The following SYT7 variants were observed in gnomAD, a reference collection of about 807,000 sequenced individuals.
SYT7 encodes synaptotagmin-7.
Under a neutral mutation model 75.1 loss-of-function variants are expected in SYT7, and 29 were observed. The observed-to-expected ratio is 0.39, with a 90% CI of 0.29 to 0.53. SYT7 has a LOEUF of 0.53. Among genes scored for constraint, SYT7 ranks in the 20% least tolerant of loss-of-function variants. SYT7 has a pLI of 0.77. For missense variants in SYT7, 693 were observed against 953.2 expected (o/e 0.73, Z 3.59); for synonymous variants, 376 against 401.7 (o/e 0.94, Z 0.76).
At position 61,518,723 on chromosome 11, in the gene SYT7, C is replaced by T; in HGVS notation, c.1965G>A (p.Leu655=). 6.5e-7 allele frequency: 1 copy of T among 1,542,474 alleles called. No individual in the cohort carries two copies. The highest frequency in any genetic ancestry group is 8.8e-7 in the Non-Finnish European group (1 of 1,140,884). The change falls in exon 13 of 13, where the codon CTG becomes CTA. Residue 655 remains leucine (L), a synonymous_variant. Coordinates refer to ENST00000539008, the MANE Select transcript of SYT7 (RefSeq NM_001365809.2). ...CCTCCCCTGGCCCGCTCTTCCAGGA[C>T]AGGTAGATCTGGGGAGAAAGGGGAG... ...SRNDVIGKIY[L]SWKSGPGEVK...
At position 61,523,364 on chromosome 11, in the gene SYT7, AG is replaced by A; in HGVS notation, c.1757-91del. The A allele has an allele frequency of 7.6e-7, 1 of 1,309,998 alleles. No individual in the cohort carries two copies. Among genetic ancestry groups the A allele is most frequent in the Admixed American group, 1.7e-5 (1 of 57,966 alleles). 81.1% of individuals were successfully genotyped at this position (1,309,998 alleles called of 1,614,324 possible). On this transcript the variant is annotated intron_variant, in intron 11 of 12. Transcript: ENST00000539008. The surrounding 1 kb of genome is among the most constrained non-coding windows in gnomAD (Gnocchi z 5.0). ...CCCTTCCAGGAATGGAAGCTGAGGC[AG>A]GAGGGCCGTGTGCTTTCCCCAGAGG...
At chr11:61,552,215 G>A (rs190854606) in intron 2 of SYT7, among the ~76,000 whole-genome samples, 6 of 152,212 alleles carry the variant, frequency 3.9e-5, no homozygotes, top group African/African-American at 7.2e-5. Flanking sequence ...GCCTGCTGCC[G>A]GGAAGGTGAG....
intron 2 of SYT7, among the ~76,000 whole-genome samples, chr11:61,555,210 C>T (rs1410785227): frequency 6.6e-6 from 1 of 152,226 alleles, no homozygotes; most frequent in Non-Finnish European, 1.5e-5. Flanking sequence ...CCACCATTCT[C>T]GGCCCGGGGA....
At chr11:61,587,376 G>A in the SYT7 span, among the ~76,000 whole-genome samples, 8 of 152,264 alleles carry the variant, frequency 5.3e-5, no homozygotes, top group Non-Finnish European at 1.0e-4. Flanking sequence ...GCCCAGCTGA[G>A]GCTGCACAGA....
intron 9 of SYT7, among the ~76,000 whole-genome samples, chr11:61,525,299 A>G (rs2062479002): frequency 6.6e-6 from 1 of 152,144 alleles, no homozygotes; most frequent in Non-Finnish European, 1.5e-5. Flanking sequence ...CTCCCAGTGC[A>G]CTTAGAATAA....
Position 61,576,297 on chromosome 11 carries a change from C to T in SYT7, c.31+4493G>A, listed in dbSNP as rs1392274287. Among the ~76,000 whole-genome samples the T allele has an allele frequency of 6.6e-6, 1 of 152,248 alleles. No homozygotes were observed. Among genetic ancestry groups the T allele is most frequent in the East Asian group, 1.9e-4 (1 of 5,196 alleles). On this transcript the variant is annotated intron_variant, in intron 1 of 12. Transcript: ENST00000539008. This position sits in a 1 kb window ranked among gnomAD's most constrained non-coding sequence, Gnocchi z 4.1. ...GGAACTGGCAGAATTCACCTGGCAT[C>T]ACCAGCTGGGGTTCCCTGGCAAGGC...
chr11:61,538,344 A>AGG (rs1280141611), intron 6 of SYT7, 78 bp from the exon 7 acceptor site: 156 of 905,710 alleles, frequency 1.7e-4, no homozygotes, highest in Non-Finnish European at 2.0e-4. Flanking sequence ...AAGGAGAGAG[A>AGG]GGGAGAGAGA....
chr11:61,584,174 G>A (rs2135492472), upstream of SYT7, among the ~76,000 whole-genome samples: 1 of 152,250 alleles, frequency 6.6e-6, no homozygotes, highest in East Asian at 1.9e-4. Flanking sequence ...CAGTTCACAA[G>A]GCCAGGAGTT....
chr11:61,569,125 T>C (rs940073633), intron 1 of SYT7, among the ~76,000 whole-genome samples: 2 of 152,058 alleles, frequency 1.3e-5, no homozygotes, highest in Admixed American at 6.5e-5. Flanking sequence ...CCGGGGTCCA[T>C]TGGTTGGCTC....
chr11:61,540,412 A>T, intron 6 of SYT7: 1 of 730,780 alleles, frequency 1.4e-6, no homozygotes, highest in Non-Finnish European at 1.7e-6. Context: ...TTACATTTTT[A>T]GAGGGTTGTT....
intron 12 of SYT7, among the ~76,000 whole-genome samples, chr11:61,522,842 T>A (rs957910968): frequency 6.6e-6 from 1 of 152,176 alleles, no homozygotes; most frequent in African/African-American, 2.4e-5. Context: ...CAGCTGGCAG[T>A]CTGTCCTGAG....
Position 61,580,677 on chromosome 11 carries a change from G to T in SYT7, c.31+113C>A. ...GCTGGGATGACCCCTGGGGGAGCCC[G>T]TGCGGCTCCGGGCGGACAACAGCCC... On this transcript the variant is annotated intron_variant, in intron 1 of 12. Coordinates refer to ENST00000539008, the MANE Select transcript of SYT7 (RefSeq NM_001365809.2). This position sits in a 1 kb window ranked among gnomAD's most constrained non-coding sequence, Gnocchi z 6.1. 1 of 697,934 alleles carries T rather than the reference G, an allele frequency of 1.4e-6. No homozygotes were observed. The highest frequency in any genetic ancestry group is 1.9e-6 in the Non-Finnish European group (1 of 513,828). The allele number at this position is 697,934 out of a possible 1,614,324, so 43.2% of individuals were successfully genotyped here. A position where few individuals can be genotyped will look rare whatever the true frequency, so the allele number is the denominator to read the frequency against.
rs35039204 is a variant in SYT7 at position 61,531,457 on chromosome 11, TG to T, written c.1200+1531del. The stretch of plus-strand genomic sequence containing the variant: ...AGAAGACAGCTGGGGCCAGTCTTCC[TG>T]GGGGGGGGAAGATGGAAGGAGGGCA... On this transcript the variant is annotated intron_variant, in intron 8 of 12. Coordinates refer to ENST00000539008, the MANE Select transcript of SYT7 (RefSeq NM_001365809.2). Among the ~76,000 whole-genome samples the T allele has an allele frequency of 8.7e-3, 1,270 of 145,420 alleles. 16 individuals are homozygous for T. The highest frequency in any genetic ancestry group is 0.031 in the African/African-American group (1,207 of 39,374).
chr11:61,529,876 A>G (rs1442588575), intron 8 of SYT7, among the ~76,000 whole-genome samples: 1 of 152,152 alleles, frequency 6.6e-6, no homozygotes, highest in African/African-American at 2.4e-5. Context: ...CACAAGTGAT[A>G]TGCCCGCCTC....
chr11:61,554,449 G>GACAC (rs942736616), intron 2 of SYT7, among the ~76,000 whole-genome samples: 14 of 151,370 alleles, frequency 9.2e-5, no homozygotes, highest in Non-Finnish European at 1.8e-4. Flanking sequence ...CAGACAGACA[G>GACAC]ACACACACAC....
At position 61,555,784 on chromosome 11, in the gene SYT7, T is replaced by C. The variant is rs1248632115; in HGVS notation, c.135+320A>G. Among the ~76,000 whole-genome samples the C allele has an allele frequency of 3.3e-5, 5 of 152,162 alleles. No individual in the cohort carries two copies. The East Asian group carries it at 7.8e-4, about 24-fold the overall frequency. Reference sequence around the variant, plus strand: ...GCGGGAGGCAGGGCGTGTGTGTGTGTGTGCGCGTGTGTGTAGCTGCTCGCG... The same window carrying C: ...GCGGGAGGCAGGGCGTGTGTGTGTGCGTGCGCGTGTGTGTAGCTGCTCGCG... On this transcript the variant is annotated intron_variant, in intron 2 of 12. Coordinates refer to ENST00000539008, the MANE Select transcript of SYT7 (RefSeq NM_001365809.2).
chr11:61,551,471 G>A lies in SYT7; in HGVS notation c.136-8C>T. 2 of 1,613,540 alleles carry A rather than the reference G, an allele frequency of 1.2e-6. No homozygotes were observed. The highest frequency in any genetic ancestry group is 1.3e-5 in the African/African-American group (1 of 75,014). On this transcript the variant is annotated splice_region_variant and splice_polypyrimidine_tract_variant and intron_variant, in intron 2 of 12. Coordinates refer to ENST00000539008, the MANE Select transcript of SYT7 (RefSeq NM_001365809.2). The surrounding 1 kb of genome is among the most constrained non-coding windows in gnomAD (Gnocchi z 5.3). ...ATTCTTGTAGCGTTTGCCCTGTGGA[G>A]ATAGCACTAGGATCACTCCTGGGGA...
rs563689263 is a variant in SYT7 at position 61,544,334 on chromosome 11, AC to A, written c.572+1696del. ...GGAACCAAAAGACAACAGTTAGGCTACCCCTGTGGGCTGAGAGAGAGAAAGA... is the reference window on the plus strand; with the variant it reads ...GGAACCAAAAGACAACAGTTAGGCTACCCTGTGGGCTGAGAGAGAGAAAGA... On this transcript the variant is annotated intron_variant, in intron 5 of 12. Transcript: ENST00000539008. Among the ~76,000 whole-genome samples the A allele has an allele frequency of 2.4e-4, 37 of 152,316 alleles. No homozygotes were observed. The East Asian group carries it at 6.8e-3, about 28-fold the overall frequency.
chr11:61,579,590 G>C (rs1015352332), intron 1 of SYT7, among the ~76,000 whole-genome samples: 2 of 152,236 alleles, frequency 1.3e-5, no homozygotes, highest in African/African-American at 4.8e-5. Flanking sequence ...TGCCCCTAGA[G>C]GGGAAAGAGC....
Sources: gnomAD v4.1 joint callset for allele counts (sites outside exome capture counted in the v4.1 genomes callset) on GRCh38, gnomAD v4.1.1 for gene constraint, Gnocchi (gnomAD v3.1) non-coding constraint, MANE v1.5 for transcripts, NCBI Gene and HGNC (gene_info 2026-07-23, HGNC 2026-07-21) for gene names.